DDN: variants seen among roughly 807,000 people sequenced by gnomAD.
The protein encoded by DDN is dendrin.
Under a neutral mutation model 7.3 loss-of-function variants are expected in DDN, and 4 were observed. That is an observed-to-expected ratio of 0.55 (90% CI 0.27 to 1.25). The LOEUF (loss-of-function observed/expected upper bound fraction) is 1.25, where lower values mean the gene tolerates loss of function less well. Among genes scored for constraint, DDN ranks in the 50% most tolerant of loss-of-function variants. The probability of loss-of-function intolerance (pLI) is 0.12; values close to 1 mark genes in which losing one functional copy is unlikely to be tolerated. For missense variants in DDN, 933 were observed against 974.7 expected, an observed-to-expected ratio of 0.96 and a Z score of 0.57; for synonymous variants, 425 against 424.3, an observed-to-expected ratio of 1.00 and a Z score of -0.02.
chr12:48,996,732 G>A lies in DDN; in HGVS notation c.*8C>T. 1 of 1,609,818 alleles carries A rather than the reference G, an allele frequency of 6.2e-7. No individual in the cohort carries two copies. The highest frequency in any genetic ancestry group is 8.5e-7 in the Non-Finnish European group (1 of 1,176,516). On this transcript the variant is annotated 3_prime_UTR_variant, in exon 2 of 2. Transcript: ENST00000421952. Reference sequence around the variant, plus strand: ...TGCGTTGGGGACACAAATACAAGAAGGGGCCTCTCACTGCCTCTTCCTATT... The same window carrying A: ...TGCGTTGGGGACACAAATACAAGAAAGGGCCTCTCACTGCCTCTTCCTATT...
At position 48,998,299 on chromosome 12, in the gene DDN, A is replaced by G. The variant is rs202193708; in HGVS notation, c.577T>C (p.Trp193Arg). ...SDPGSAWAGP[W>R]GGRRPGPPSY... ...GGGGGCCCGGGCCGCCGACCTCCCC[A>G]GGGCCCCGCCCACGCCGACCCTGGG... Residue 193 changes from tryptophan to arginine, a missense_variant, in exon 2 of 2, where the codon TGG becomes CGG. Coordinates refer to ENST00000421952, the MANE Select transcript of DDN (RefSeq NM_015086.2). 5.0e-6 allele frequency: 8 copies of G among 1,593,650 alleles called. No individual in the cohort carries two copies. The African/African-American group carries it at 9.4e-5, about 19-fold the overall frequency.
Position 48,998,043 on chromosome 12 carries a change from T to G in DDN, c.833A>C (p.Tyr278Ser). The change falls in exon 2 of 2, where the codon TAC becomes TCC. Residue 278 changes from tyrosine (Y) to serine (S), a missense_variant. By Grantham distance (144) the Tyr-to-Ser change is moderately radical. Transcript: ENST00000421952. ...ACCCCAAGCCCCGAGGACGTCCCGG[T>G]AGATCCGAGGATCCAGCCTCTTCTT... ...RTKKRLDPRI[Y>S]RDVLGAWGLR... 2.5e-6 allele frequency: 4 copies of G among 1,613,856 alleles called. No homozygotes were observed. Among genetic ancestry groups the G allele is most frequent in the Non-Finnish European group, 3.4e-6 (4 of 1,180,028 alleles).
In DDN at chr12:48,996,720, C is replaced by A; in HGVS notation, c.*20G>T. 6.2e-7 allele frequency: 1 copy of A among 1,607,352 alleles called. No individual in the cohort carries two copies. Among genetic ancestry groups the A allele is most frequent in the South Asian group, 1.1e-5 (1 of 90,834 alleles). On this transcript the variant is annotated 3_prime_UTR_variant, in exon 2 of 2. Transcript: ENST00000421952. ...CCCAAGGATGGATGCGTTGGGGACA[C>A]AAATACAAGAAGGGGCCTCTCACTG...
intron 1 of DDN, 39 bp downstream of exon 1, chr12:48,999,040 G>A (rs892711579): frequency 6.3e-7 from 1 of 1,580,432 alleles, no homozygotes; most frequent in Non-Finnish European, 8.7e-7. Flanking sequence ...CCCACTCCCC[G>A]CCCCACCACT....
At chr12:48,998,963 G>C (rs937593068) in intron 1 of DDN, 116 bp downstream of exon 1, 1 of 1,231,094 alleles carries the variant, frequency 8.1e-7, no homozygotes, top group African/African-American at 1.5e-5. Context: ...AGCGGGCAGA[G>C]GTGGAAGGCG....
chr12:48,997,263 TCC>T lies in DDN; in HGVS notation c.1611_1612del (p.Asp538LeufsTer29). On this transcript the variant is annotated frameshift_variant, in exon 2 of 2. Transcript: ENST00000421952. LOFTEE classifies it low-confidence loss of function (END_TRUNC). Reference sequence around the variant, plus strand: ...GAAAGTGCGCTCCTCCAGTGTGGAGTCCCCCGGCCTCCCGCCCTCAGCTTCGC... The same window carrying T: ...GAAAGTGCGCTCCTCCAGTGTGGAGTCCCGGCCTCCCGCCCTCAGCTTCGC... 1 of 1,609,338 alleles carries T rather than the reference TCC, an allele frequency of 6.2e-7. No homozygotes were observed. Among genetic ancestry groups the T allele is most frequent in the Non-Finnish European group, 8.5e-7 (1 of 1,178,206 alleles).
At position 48,997,084 on chromosome 12, in the gene DDN, G is replaced by C; in HGVS notation, c.1792C>G (p.Arg598Gly). 1.3e-6 allele frequency: 2 copies of C among 1,523,460 alleles called. No homozygotes were observed. The highest frequency in any genetic ancestry group is 1.3e-5 in the South Asian group (1 of 75,968). The allele number at this position is 1,523,460 out of a possible 1,614,324, so 94.4% of individuals were successfully genotyped here. Residue 598 changes from arginine to glycine, a missense_variant, in exon 2 of 2, where the codon CGG (arginine) becomes GGG (glycine). Transcript: ENST00000421952. ...GGCCCTGGGGTCCGCGCCCAGCCCC[G>C]GCCGGCGCGCCGCTGGACCACCGCC... The part of the protein sequence containing the change: ...EVAVVQRRAG[R>G]GWARTPGPYA...
chr12:48,996,711 T>G lies in DDN; in HGVS notation c.*29A>C. ...ACCAGTGGACCCAAGGATGGATGCG[T>G]TGGGGACACAAATACAAGAAGGGGC... is the stretch of plus-strand genomic sequence containing the variant. On this transcript the variant is annotated 3_prime_UTR_variant, in exon 2 of 2. Coordinates refer to ENST00000421952, the MANE Select transcript of DDN (RefSeq NM_015086.2). 6 of 1,604,906 alleles carry G rather than the reference T, an allele frequency of 3.7e-6. No homozygotes were observed. Among genetic ancestry groups the G allele is most frequent in the Non-Finnish European group, 5.1e-6 (6 of 1,173,350 alleles).
At position 48,996,832 on chromosome 12, in the gene DDN, C is replaced by T. The variant is rs756880822; in HGVS notation, c.2044G>A (p.Glu682Lys). ...KTAELSDSVG[E>K]ILDVISQTEE... ...GTTTGGCTTATGACATCTAGGATCT[C>T]CCCGACACTGTCGCTCAGTTCCGCT... Residue 682 changes from glutamate (E) to lysine (K), a missense_variant, in exon 2 of 2, where the codon GAG (glutamate) becomes AAG (lysine). Transcript: ENST00000421952. 1 of 1,614,240 alleles carries T rather than the reference C, an allele frequency of 6.2e-7. No individual in the cohort carries two copies. Among genetic ancestry groups the T allele is most frequent in the Non-Finnish European group, 8.5e-7 (1 of 1,180,048 alleles).
At position 48,998,631 on chromosome 12, in the gene DDN, G is replaced by A. The variant is rs899370250; in HGVS notation, c.245C>T (p.Pro82Leu). ...GPRPGSPQPP[P>L]RRPWASRVLQ... is the part of the protein sequence containing the mutation. ...CACCCTGGAGGCCCAGGGCCGGCGG[G>A]GCGGCGGCTGTGGGGATCCCGGGCG... Residue 82 changes from proline (P) to leucine (L), a missense_variant, in exon 2 of 2, where the codon CCC (proline) becomes CTC (leucine). Physicochemically the swap from Pro to Leu is moderately conservative, Grantham distance 98. Transcript: ENST00000421952. 10 of 1,543,448 alleles carry A rather than the reference G, an allele frequency of 6.5e-6. No individual in the cohort carries two copies. The highest frequency in any genetic ancestry group is 8.7e-6 in the Non-Finnish European group (10 of 1,154,472).
chr12:48,996,641 T>C lies in DDN; in HGVS notation c.*99A>G, dbSNP rs1941208137. Reference sequence around the variant, plus strand: ...GGATGAGAACAGGTATGGGTAAAGATACAAGGAAAAGAGAAGCAAAGGAAG... The same window carrying C: ...GGATGAGAACAGGTATGGGTAAAGACACAAGGAAAAGAGAAGCAAAGGAAG... On this transcript the variant is annotated 3_prime_UTR_variant, in exon 2 of 2. Transcript: ENST00000421952. 2.7e-6 allele frequency: 4 copies of C among 1,496,404 alleles called. No homozygotes were observed. In the South Asian group the frequency reaches 5.4e-5, roughly 20 times the overall value. The allele number at this position is 1,496,404 out of a possible 1,614,324, so 92.7% of individuals were successfully genotyped here. A position where few individuals can be genotyped will look rare whatever the true frequency, so the allele number is the denominator to read the frequency against.
intron 1 of DDN, 65 bp downstream of exon 1, chr12:48,999,014 G>T: frequency 6.4e-7 from 1 of 1,553,380 alleles, no homozygotes; most frequent in Non-Finnish European, 8.9e-7. Context: ...GCTGGTGCCT[G>T]CGGGGAGGTC....
In DDN at chr12:48,998,433, C is replaced by A; in HGVS notation, c.443G>T (p.Arg148Leu). 6.6e-7 allele frequency: 1 copy of A among 1,517,462 alleles called. No individual in the cohort carries two copies. The highest frequency in any genetic ancestry group is 8.8e-7 in the Non-Finnish European group (1 of 1,142,554). 94.0% of individuals were successfully genotyped at this position (1,517,462 alleles called of 1,614,324 possible). A position where few individuals can be genotyped will look rare whatever the true frequency, so the allele number is the denominator to read the frequency against. Residue 148 changes from arginine (R) to leucine (L), a missense_variant, in exon 2 of 2, where the codon CGC becomes CTC. By Grantham distance (102) the Arg-to-Leu change is moderately radical. Transcript: ENST00000421952. ...SPPGRPRPEP[R>L]NAPRVAQLAG... ...CAGCTGGGCCACCCGAGGGGCGTTG[C>A]GGGGCTCCGGGCGGGGTCGACCCGG...
Position 48,997,256 on chromosome 12 carries a change from T to G in DDN, c.1620A>C (p.Thr540=). Reference sequence around the variant, plus strand: ...AGATGCGGAAAGTGCGCTCCTCCAGTGTGGAGTCCCCCGGCCTCCCGCCCT... The same window carrying G: ...AGATGCGGAAAGTGCGCTCCTCCAGGGTGGAGTCCCCCGGCCTCCCGCCCT... ...EAEGGRPGDS[T]LEERTFRILG... is the part of the protein sequence containing the mutation. Residue 540 remains threonine, a synonymous_variant, in exon 2 of 2, where the codon ACA becomes ACC. Transcript: ENST00000421952. The G allele has an allele frequency of 1.2e-6, 2 of 1,609,234 alleles. No individual in the cohort carries two copies. The highest frequency in any genetic ancestry group is 1.7e-6 in the Non-Finnish European group (2 of 1,177,990).
rs1214413908 is a variant in DDN at position 48,996,216 on chromosome 12, T to G, written c.*524A>C. 3.3e-5 allele frequency: 5 copies of G among 152,774 alleles called. No homozygotes were observed. The highest frequency in any genetic ancestry group is 4.8e-5 in the African/African-American group (2 of 41,424). 9.5% of individuals were successfully genotyped at this position (152,774 alleles called of 1,614,324 possible). Reference sequence around the variant, plus strand: ...TGACTGGCCTCAGTCAACCAGCAACTCAGTGGCAGAGTTGGGATTGAAATC... The same window carrying G: ...TGACTGGCCTCAGTCAACCAGCAACGCAGTGGCAGAGTTGGGATTGAAATC... On this transcript the variant is annotated 3_prime_UTR_variant, in exon 2 of 2. Coordinates refer to ENST00000421952, the MANE Select transcript of DDN (RefSeq NM_015086.2).
chr12:48,996,551 C>T lies in DDN; in HGVS notation c.*189G>A. 1 of 1,015,742 alleles carries T rather than the reference C, an allele frequency of 9.8e-7. No homozygotes were observed. The highest frequency in any genetic ancestry group is 2.7e-5 in the East Asian group (1 of 37,616). 62.9% of individuals were successfully genotyped at this position (1,015,742 alleles called of 1,614,324 possible). ...CAGACATTAATTAAATCTGCTCATT[C>T]TCACCTCTCCTGAAACAAAATCATT... is the stretch of plus-strand genomic sequence containing the variant. On this transcript the variant is annotated 3_prime_UTR_variant, in exon 2 of 2. Transcript: ENST00000421952.
Position 48,996,894 on chromosome 12 carries a change from T to C in DDN, c.1982A>G (p.Glu661Gly), listed in dbSNP as rs10783299. 0.39 allele frequency: 634,001 copies of C among 1,613,036 alleles called. 126,965 individuals are homozygous for C. Among genetic ancestry groups the C allele is most frequent in the African/African-American group, 0.52 (39,128 of 74,950 alleles). Residue 661 changes from glutamate (E) to glycine (G), a missense_variant, in exon 2 of 2, where the codon GAG (glutamate) becomes GGG (glycine). Transcript: ENST00000421952. ...TTCCTCTGGCGAACTGTTTCCAACC[T>C]CGGGCAGGGTCCTCTCATTCCGCCA... is the stretch of plus-strand genomic sequence containing the variant. The part of the protein sequence containing the change: ...ASWRNERTLP[E>G]VGNSSPEEDG...
At position 48,998,501 on chromosome 12, in the gene DDN, G is replaced by A. The variant is rs768230342; in HGVS notation, c.375C>T (p.Thr125=). 1.3e-6 allele frequency: 2 copies of A among 1,586,378 alleles called. No individual in the cohort carries two copies. Among genetic ancestry groups the A allele is most frequent in the South Asian group, 2.2e-5 (2 of 89,352 alleles). ...AASQEREAKE[T]ERKRRKAGGA... is the part of the protein sequence containing the mutation. ...CACCAGCCTTGCGCCTTTTTCGCTC[G>A]GTCTCCTTGGCCTCCCGCTCCTGCG... The change falls in exon 2 of 2, where the codon ACC becomes ACT. Residue 125 remains threonine (T), a synonymous_variant. Transcript: ENST00000421952.
Position 48,997,689 on chromosome 12 carries a change from C to A in DDN, c.1187G>T (p.Arg396Leu). ...WIPSPKKQPP[R>L]HSQTLPRPWA... Reference sequence around the variant, plus strand: ...GGGTCTGGGGAGTGTCTGGCTATGGCGGGGCGGCTGCTTTTTAGGGGAGGG... The same window carrying A: ...GGGTCTGGGGAGTGTCTGGCTATGGAGGGGCGGCTGCTTTTTAGGGGAGGG... Residue 396 changes from arginine (R) to leucine (L), a missense_variant, in exon 2 of 2, where the codon CGC (arginine) becomes CTC (leucine). By Grantham distance (102) the Arg-to-Leu change is moderately radical (BLOSUM62 -2). Coordinates refer to ENST00000421952, the MANE Select transcript of DDN (RefSeq NM_015086.2). 2.5e-6 allele frequency: 4 copies of A among 1,571,770 alleles called. No homozygotes were observed. The highest frequency in any genetic ancestry group is 3.5e-6 in the Non-Finnish European group (4 of 1,156,934).
Sources: gnomAD v4.1 joint callset for allele counts on GRCh38, gnomAD v4.1.1 for gene constraint, MANE v1.5 for transcripts, NCBI Gene and HGNC (gene_info 2026-07-23, HGNC 2026-07-21) for gene names.